Variants in EXOC4 observed in about 807,000 individuals in gnomAD.
EXOC4 encodes the protein exocyst complex component 4.
Under a neutral mutation model 107.2 loss-of-function variants are expected in EXOC4, and 71 were observed. That is an observed-to-expected ratio of 0.66 (90% CI 0.55 to 0.81). The LOEUF is 0.81. EXOC4 is among the 30% of genes least tolerant of loss of function. The pLI is 0.00. For missense variants in EXOC4, 1,108 were observed against 1,189.6 expected (o/e 0.93, Z 1.01); for synonymous variants, 456 against 441.2 (o/e 1.03, Z -0.42).
rs1479510413 is a variant in EXOC4, at chr7:133,480,140, T to C, written c.1417+2T>C. Reference sequence around the variant, plus strand: ...ATAGTCGGAGTGGAGAACTGCAAGGTGAGTGATTGAGCTTCTCTGGAAAAA... The same window carrying C: ...ATAGTCGGAGTGGAGAACTGCAAGGCGAGTGATTGAGCTTCTCTGGAAAAA... On this transcript the variant is annotated splice_donor_variant, in intron 9 of 17. Transcript: ENST00000253861. LOFTEE classifies it high-confidence loss of function. The C allele has an allele frequency of 3.7e-6, 6 of 1,613,494 alleles. No homozygotes were observed. The highest frequency in any genetic ancestry group is 4.2e-6 in the Non-Finnish European group (5 of 1,179,654).
At chr7:133,796,338 G>A (rs1796813323) in intron 10 of EXOC4, among the ~76,000 whole-genome samples, 1 of 152,186 alleles carries the variant, frequency 6.6e-6, no homozygotes, top group African/African-American at 2.4e-5. Flanking sequence ...AAAGGCTCTG[G>A]TGGAAATAGG....
chr7:133,792,488 G>A (rs1315189722), intron 10 of EXOC4, among the ~76,000 whole-genome samples: 1 of 142,786 alleles, frequency 7.0e-6, no homozygotes, highest in African/African-American at 2.6e-5. Flanking sequence ...GGAAGGTTGA[G>A]GCTGCAGTGA....
chr7:133,350,913 A>G (rs1473240386), intron 5 of EXOC4, among the ~76,000 whole-genome samples: 3 of 152,012 alleles, frequency 2.0e-5, no homozygotes, highest in African/African-American at 4.8e-5. Flanking sequence ...TATAGCTTAT[A>G]TATATTATAG....
At chr7:133,575,276 G>A (rs1417117007) in intron 9 of EXOC4, among the ~76,000 whole-genome samples, 1 of 152,072 alleles carries the variant, frequency 6.6e-6, no homozygotes, top group African/African-American at 2.4e-5. Context: ...TCTATATACT[G>A]TATACTTCAG....
chr7:133,460,120 T>G (rs959922857), intron 7 of EXOC4, among the ~76,000 whole-genome samples: 29 of 152,148 alleles, frequency 1.9e-4, no homozygotes, highest in African/African-American at 6.8e-4. Context: ...GGGTGGCTGG[T>G]GATGGTTTTG....
chr7:133,829,930 A>G (rs1797774856), intron 11 of EXOC4, among the ~76,000 whole-genome samples: 1 of 152,142 alleles, frequency 6.6e-6, no homozygotes, highest in Admixed American at 6.5e-5. Flanking sequence ...AGGAGGAAAA[A>G]AAAAGCCATC....
chr7:133,661,686 A>C lies in EXOC4; in HGVS notation c.1514+31545A>C, dbSNP rs982811375. Reference sequence around the variant, plus strand: ...CTCCTTAAAACTAAAAAAAAAAAAAAAACAAAAAAAAAAAAAACAAGAATT... The same window carrying C: ...CTCCTTAAAACTAAAAAAAAAAAAACAACAAAAAAAAAAAAAACAAGAATT... On this transcript the variant is annotated intron_variant, in intron 10 of 17. Transcript: ENST00000253861. Among the ~76,000 whole-genome samples the C allele has an allele frequency of 3.0e-3, 83 of 27,460 alleles. No individual in the cohort carries two copies. In the South Asian group the frequency reaches 0.071, roughly 24 times the overall value. The allele number at this position is 27,460 out of a possible 152,430, so 18.0% of individuals were successfully genotyped here.
At chr7:133,918,621 A>G (rs988973098) in intron 13 of EXOC4, among the ~76,000 whole-genome samples, 2 of 152,128 alleles carry the variant, frequency 1.3e-5, no homozygotes, top group Non-Finnish European at 2.9e-5. Context: ...ATCACTCAAC[A>G]TTTGCCTTTG....
rs1799589886 is a variant in EXOC4 at position 133,907,376 on chromosome 7, A to T, written c.1872-10207A>T. On this transcript the variant is annotated intron_variant, in intron 12 of 17. Coordinates refer to ENST00000253861, the MANE Select transcript of EXOC4 (RefSeq NM_021807.4). ...GTTATTGGTTTAACTGTCTTTCTTT[A>T]AAAAAAATATTGTTTTTCAATTGTA... Among the ~76,000 whole-genome samples the T allele has an allele frequency of 8.7e-5, 4 of 46,234 alleles. No homozygotes were observed. The South Asian group carries it at 4.3e-3, about 49-fold the overall frequency. The allele number at this position is 46,234 out of a possible 152,430, so 30.3% of individuals were successfully genotyped here. A position where few individuals can be genotyped will look rare whatever the true frequency, so the allele number is the denominator to read the frequency against.
intron 7 of EXOC4, among the ~76,000 whole-genome samples, chr7:133,447,756 T>G (rs1798251718): frequency 6.6e-6 from 1 of 152,098 alleles, no homozygotes; most frequent in Non-Finnish European, 1.5e-5. Flanking sequence ...CTTACTTTTT[T>G]TATTGGATTC....
intron 9 of EXOC4, among the ~76,000 whole-genome samples, chr7:133,581,293 A>G (rs926483264): frequency 6.6e-5 from 10 of 152,194 alleles, no homozygotes; most frequent in Non-Finnish European, 1.2e-4. Flanking sequence ...TAGGAACAGC[A>G]CTTGTTTTAA....
the EXOC4 span, among the ~76,000 whole-genome samples, chr7:134,071,933 C>T: frequency 1.3e-5 from 2 of 152,248 alleles, no homozygotes; most frequent in Admixed American, 6.5e-5. Context: ...ATCCATTCAC[C>T]CTGTCCTCTC....
chr7:133,513,116 T>C (rs1362942598), intron 9 of EXOC4, among the ~76,000 whole-genome samples: 1 of 152,164 alleles, frequency 6.6e-6, no homozygotes, highest in Non-Finnish European at 1.5e-5. Flanking sequence ...AAAAAATATA[T>C]AAATAAATAA....
chr7:133,387,927 T>C (rs1796764357), intron 7 of EXOC4, among the ~76,000 whole-genome samples: 1 of 151,820 alleles, frequency 6.6e-6, no homozygotes, highest in African/African-American at 2.4e-5. Context: ...AGTATAAATG[T>C]ATAATATGAA....
chr7:133,494,994 T>G (rs1184456153), intron 9 of EXOC4, among the ~76,000 whole-genome samples: 1 of 152,104 alleles, frequency 6.6e-6, no homozygotes, highest in Non-Finnish European at 1.5e-5. Flanking sequence ...AAATTGGGCG[T>G]GGCATGGTGG....
At chr7:133,594,216 G>T (rs550305389) in intron 9 of EXOC4, among the ~76,000 whole-genome samples, 10 of 152,270 alleles carry the variant, frequency 6.6e-5, no homozygotes, top group African/African-American at 2.4e-4. Context: ...TGATGTGTGA[G>T]TCTTTGTATA....
intron 5 of EXOC4, among the ~76,000 whole-genome samples, chr7:133,331,219 A>ATT (rs1346043002): frequency 6.6e-6 from 1 of 152,082 alleles, no homozygotes; most frequent in Middle Eastern, 3.2e-3. Context: ...AAATGACATA[A>ATT]TAAAGAACTG....
chr7:133,611,578 T>C (rs1802077269), intron 9 of EXOC4, among the ~76,000 whole-genome samples: 1 of 152,108 alleles, frequency 6.6e-6, no homozygotes, highest in African/African-American at 2.4e-5. Flanking sequence ...CTTCATTTAT[T>C]CTCCTTCATC....
At chr7:133,677,435 A>T (rs1053427153) in intron 10 of EXOC4, among the ~76,000 whole-genome samples, 12 of 152,150 alleles carry the variant, frequency 7.9e-5, no homozygotes, top group Admixed American at 1.3e-4. Flanking sequence ...AATTTCTCAA[A>T]TGTCAAATAT....
Sources: allele counts gnomAD v4.1 joint callset (sites outside exome capture counted in the v4.1 genomes callset), GRCh38; gene constraint gnomAD v4.1.1; transcripts MANE v1.5; gene names NCBI Gene and HGNC (gene_info 2026-07-23, HGNC 2026-07-21).